Variants in N4BP1 observed in about 807,000 individuals in gnomAD.
N4BP1 encodes NEDD4-binding protein 1.
Under a neutral mutation model 70.9 loss-of-function variants are expected in N4BP1, and 21 were observed. That is an observed-to-expected ratio of 0.30 (90% CI 0.21 to 0.43). N4BP1 has a LOEUF of 0.43. N4BP1 is among the 20% of genes least tolerant of loss of function. The probability of loss-of-function intolerance (pLI) is 1.00; values close to 1 mark genes in which losing one functional copy is unlikely to be tolerated. For synonymous variants in N4BP1, 387 were observed against 394.6 expected, an observed-to-expected ratio of 0.98 and a Z score of 0.23; for missense variants, 936 against 1,069.4, an observed-to-expected ratio of 0.88 and a Z score of 1.74.
At chr16:48,599,518 G>GT (rs1485800267) in intron 1 of N4BP1, among the ~76,000 whole-genome samples, 1 of 152,182 alleles carries the variant, frequency 6.6e-6, no homozygotes, top group African/African-American at 2.4e-5. Flanking sequence ...TTCTAACACT[G>GT]TTTTTTCAGC....
At chr16:48,547,980 G>T in intron 5 of N4BP1, 27 bp downstream of exon 5, 1 of 1,416,412 alleles carries the variant, frequency 7.1e-7, no homozygotes, top group South Asian at 1.2e-5. Flanking sequence ...AAACTTTTCT[G>T]ACCAAAGACA....
intron 1 of N4BP1, among the ~76,000 whole-genome samples, chr16:48,589,665 T>C (rs1011776514): frequency 2.6e-5 from 4 of 152,188 alleles, no homozygotes; most frequent in African/African-American, 9.7e-5. Flanking sequence ...AATCGATTTA[T>C]AGCCCATCAG....
Position 48,551,365 on chromosome 16 carries a change from AAGG to A in N4BP1, c.2117+18_2117+20del, listed in dbSNP as rs751176658. The A allele has an allele frequency of 6.2e-7, 1 of 1,601,996 alleles. No individual in the cohort carries two copies. The highest frequency in any genetic ancestry group is 1.1e-5 in the South Asian group (1 of 90,742). ...CTCACCACCCCACTCCAACCTTAGG[AAGG>A]AGAATGGCCTTTCATACCTGTCATC... On this transcript the variant is annotated intron_variant, in intron 4 of 6. Coordinates refer to ENST00000262384, the MANE Select transcript of N4BP1 (RefSeq NM_153029.4).
rs1963535613 is a variant in N4BP1, at chr16:48,543,280, C to A, written c.2334-19G>T. 1.3e-6 allele frequency: 2 copies of A among 1,491,056 alleles called. No individual in the cohort carries two copies. Among genetic ancestry groups the A allele is most frequent in the African/African-American group, 1.4e-5 (1 of 71,310 alleles). The allele number at this position is 1,491,056 out of a possible 1,614,324, so 92.4% of individuals were successfully genotyped here. On this transcript the variant is annotated intron_variant, in intron 6 of 6. Transcript: ENST00000262384. ...CATATCTCTGTGAATGGAAGTGAGT[C>A]CTGGTGAGTTGGGTTATAAGTAAAC...
intron 1 of N4BP1, among the ~76,000 whole-genome samples, chr16:48,564,505 T>G (rs1360710308): frequency 6.6e-6 from 1 of 152,222 alleles, no homozygotes; most frequent in Non-Finnish European, 1.5e-5. Context: ...GAGTTCCCTA[T>G]TCTGTTCCAA....
Position 48,553,755 on chromosome 16 carries a change from A to G in N4BP1, c.1890-86T>C, listed in dbSNP as rs1357194347. 3.5e-6 allele frequency: 4 copies of G among 1,132,900 alleles called. No individual in the cohort carries two copies. In the Admixed American group the frequency reaches 1.0e-4, roughly 29 times the overall value. The allele number at this position is 1,132,900 out of a possible 1,614,324, so 70.2% of individuals were successfully genotyped here. ...TTCACCATGAAAAGTTAACATACACATACAACAAACAGTAAGAACAAAGTT... is the reference window on the plus strand; with the variant it reads ...TTCACCATGAAAAGTTAACATACACGTACAACAAACAGTAAGAACAAAGTT... On this transcript the variant is annotated intron_variant, in intron 2 of 6. Transcript: ENST00000262384.
chr16:48,576,035 CTATT>C (rs1329146643), intron 1 of N4BP1, among the ~76,000 whole-genome samples: 3 of 151,502 alleles, frequency 2.0e-5, no homozygotes, highest in African/African-American at 7.3e-5. Flanking sequence ...CTTTAGTATG[CTATT>C]TTTTTTTTTT....
Position 48,583,833 on chromosome 16 carries a change from G to A in N4BP1, c.199-21389C>T, listed in dbSNP as rs1357401104. On this transcript the variant is annotated intron_variant, in intron 1 of 6. Transcript: ENST00000262384. ...TAGAGTAGTACCCACTCAGATGCCC[G>A]AAGGGACTCTCATCTGCTTGAGCTA... Among the ~76,000 whole-genome samples the A allele has an allele frequency of 1.1e-4, 17 of 152,178 alleles. 1 individual carries two copies. The highest frequency in any genetic ancestry group is 8.5e-4 in the Admixed American group (13 of 15,288).
Position 48,540,757 on chromosome 16 carries a change from G to A in N4BP1, c.*2147C>T, listed in dbSNP as rs912880233. 1.3e-5 allele frequency: 2 copies of A among 152,324 alleles called. No homozygotes were observed. The highest frequency in any genetic ancestry group is 2.4e-5 in the African/African-American group (1 of 41,456). 9.4% of individuals were successfully genotyped at this position (152,324 alleles called of 1,614,324 possible). A position where few individuals can be genotyped will look rare whatever the true frequency, so the allele number is the denominator to read the frequency against. ...GCGGCCCCACTGCAGGAGGTAGACA[G>A]GCTACAGATACTTATGCAGCAGCCA... On this transcript the variant is annotated 3_prime_UTR_variant, in exon 7 of 7. Transcript: ENST00000262384.
intron 1 of N4BP1, chr16:48,603,527 CACTG>C (rs1964533910): frequency 6.6e-6 from 1 of 152,174 alleles, no homozygotes; most frequent in Non-Finnish European, 1.5e-5. Context: ...AGCCAGGCTT[CACTG>C]ACTGTTAGCA....
chr16:48,580,312 C>T (rs76565909), intron 1 of N4BP1, among the ~76,000 whole-genome samples: 4,409 of 152,026 alleles, frequency 0.029, 194 homozygotes, highest in African/African-American at 0.098. Flanking sequence ...CAATTATACA[C>T]GAACAAATTG....
At chr16:48,552,572 C>T (rs1187146726) in intron 3 of N4BP1, among the ~76,000 whole-genome samples, 1 of 151,428 alleles carries the variant, frequency 6.6e-6, no homozygotes. Flanking sequence ...GTGGTGCGTG[C>T]CTGCAGTCCC....
chr16:48,559,376 G>A (rs1289133641), intron 2 of N4BP1, among the ~76,000 whole-genome samples: 1 of 152,128 alleles, frequency 6.6e-6, no homozygotes, highest in African/African-American at 2.4e-5. Context: ...TTTAAGATTT[G>A]GCAACTTCTC....
intron 1 of N4BP1, among the ~76,000 whole-genome samples, chr16:48,573,270 A>C (rs1964048445): frequency 6.6e-6 from 1 of 152,028 alleles, no homozygotes; most frequent in South Asian, 2.1e-4. Context: ...ATCTTAAAGA[A>C]AGTGAATAAT....
At chr16:48,606,669 A>G (rs954439758) in intron 1 of N4BP1, among the ~76,000 whole-genome samples, 2 of 152,050 alleles carry the variant, frequency 1.3e-5, no homozygotes, top group African/African-American at 2.4e-5. Context: ...AGTAGTTTCC[A>G]TTTCGCCCCT....
intron 1 of N4BP1, among the ~76,000 whole-genome samples, chr16:48,601,275 G>C (rs1178769131): frequency 6.6e-6 from 1 of 152,150 alleles, no homozygotes; most frequent in Non-Finnish European, 1.5e-5. Context: ...TTCCACTTTG[G>C]AGAATACTCA....
At position 48,551,160 on chromosome 16, in the gene N4BP1, A is replaced by T. The variant is rs2270848; in HGVS notation, c.2117+226T>A. 6.0e-4 allele frequency among the ~76,000 whole-genome samples: 91 copies of T among 152,354 alleles called. 2 individuals are homozygous for T. In the East Asian group the frequency reaches 0.016, roughly 27 times the overall value. ...CAACCAGACTACAATATCTGCTTTT[A>T]CTTATAGATTTTCAGCCATGTTTTA... On this transcript the variant is annotated intron_variant, in intron 4 of 6. Coordinates refer to ENST00000262384, the MANE Select transcript of N4BP1 (RefSeq NM_153029.4).
chr16:48,565,296 T>C (rs535936336), intron 1 of N4BP1, among the ~76,000 whole-genome samples: 13 of 152,318 alleles, frequency 8.5e-5, no homozygotes, highest in Admixed American at 2.6e-4. Flanking sequence ...AGGGAAAGTT[T>C]TTACCAACGT....
chr16:48,561,408 T>A lies in N4BP1; in HGVS notation c.1235A>T (p.Lys412Ile). 1 of 1,613,926 alleles carries A rather than the reference T, an allele frequency of 6.2e-7. No individual in the cohort carries two copies. The highest frequency in any genetic ancestry group is 8.5e-7 in the Non-Finnish European group (1 of 1,179,854). ...VYPETNKTKNKGVYSSTNELT... is the reference protein window; with the variant it reads ...VYPETNKTKNIGVYSSTNELT... ...CTCATTTGTGCTGCTATAAACACCT[T>A]TATTTTTGGTTTTGTTGGTCTCTGG... Residue 412 changes from lysine to isoleucine, a missense_variant, in exon 2 of 7, where the codon AAA becomes ATA. Lys to Ile is a moderately radical substitution (Grantham distance 102). This residue lies in a region of N4BP1 where 515 missense variants were observed against 491.7 expected (regional missense o/e 1.05). Coordinates refer to ENST00000262384, the MANE Select transcript of N4BP1 (RefSeq NM_153029.4).
Sources: gnomAD v4.1 joint callset for allele counts (sites outside exome capture counted in the v4.1 genomes callset) on GRCh38, gnomAD v4.1.1 for gene constraint, gnomAD v4.1.1 regional missense constraint, MANE v1.5 for transcripts, NCBI Gene and HGNC (gene_info 2026-07-23, HGNC 2026-07-21) for gene names.